PATJ: variants seen among roughly 807,000 people sequenced by gnomAD.
PATJ encodes the protein PATJ crumbs cell polarity complex component, also known as inaD-like protein.
A neutral mutation model predicts 224.9 loss-of-function variants in PATJ; 190 were observed. The ratio of observed to expected loss-of-function variants is 0.84; its 90% CI spans 0.75 to 0.95. The LOEUF is 0.95. Among genes scored for constraint, PATJ ranks in the 40% least tolerant of loss-of-function variants. The probability of loss-of-function intolerance (pLI) is 0.00; values close to 1 mark genes in which losing one functional copy is unlikely to be tolerated. For missense variants in PATJ, 2,121 were observed against 2,270.3 expected, an observed-to-expected ratio of 0.93 and a Z score of 1.34; for synonymous variants, 769 against 820.3, an observed-to-expected ratio of 0.94 and a Z score of 1.07.
intron 22 of PATJ, among the ~76,000 whole-genome samples, chr1:61,888,650 A>G (rs1026395132): frequency 3.9e-5 from 6 of 152,332 alleles, no homozygotes; most frequent in African/African-American, 1.4e-4. Flanking sequence ...CTGCTTCTCT[A>G]AACTGTAGAA....
chr1:62,094,804 T>C (rs1301887588), intron 33 of PATJ, among the ~76,000 whole-genome samples: 1 of 152,198 alleles, frequency 6.6e-6, no homozygotes. Flanking sequence ...AGGGATTTTG[T>C]AAATGAATAT....
chr1:61,818,434 G>A (rs1158881806), intron 14 of PATJ, among the ~76,000 whole-genome samples: 2 of 152,212 alleles, frequency 1.3e-5, no homozygotes, highest in African/African-American at 2.4e-5. Flanking sequence ...TTGCTGCTAA[G>A]AACTCTGCAT....
intron 7 of PATJ, among the ~76,000 whole-genome samples, chr1:61,779,998 G>A (rs1647157618): frequency 6.6e-6 from 1 of 152,110 alleles, no homozygotes; most frequent in African/African-American, 2.4e-5. Context: ...AGAACTCACT[G>A]CACCAAGCCA....
chr1:61,893,938 T>C (rs548450709), intron 22 of PATJ, among the ~76,000 whole-genome samples: 31 of 151,976 alleles, frequency 2.0e-4, no homozygotes, highest in Non-Finnish European at 3.8e-4. Flanking sequence ...TTTTAGGTTT[T>C]GTTTTGAATC....
At chr1:62,038,106 TC>T in intron 30 of PATJ, 57 bp downstream of exon 30, 1 of 1,069,688 alleles carries the variant, frequency 9.3e-7, no homozygotes, top group Non-Finnish European at 1.4e-6. Context: ...ATGAGCATTT[TC>T]CCCCAATCTG....
chr1:62,008,818 G>A (rs1022737126), intron 28 of PATJ, among the ~76,000 whole-genome samples: 1 of 152,064 alleles, frequency 6.6e-6, no homozygotes, highest in African/African-American at 2.4e-5. Flanking sequence ...AGGAAAATCA[G>A]GATATATGAT....
Position 62,079,530 on chromosome 1 carries a change from A to G in PATJ, c.4206A>G (p.Ser1402=), listed in dbSNP as rs372368769. ...AAGAGATACCATTAGCACCAGCTTC[A>G]TCATACCATTCAACAGATGCAGACT... ...SSQEIPLAPA[S]SYHSTDADFT... The change falls in exon 32 of 44, where the codon TCA becomes TCG. Residue 1402 remains serine (S), a synonymous_variant. Transcript: ENST00000642238. The G allele has an allele frequency of 1.2e-6, 2 of 1,612,622 alleles. No homozygotes were observed. The highest frequency in any genetic ancestry group is 1.3e-5 in the African/African-American group (1 of 74,900).
intron 6 of PATJ, among the ~76,000 whole-genome samples, chr1:61,773,944 C>T (rs928906563): frequency 3.2e-4 from 48 of 151,634 alleles, no homozygotes; most frequent in Admixed American, 1.1e-3. Flanking sequence ...CACGGTGAAA[C>T]CCCATCTCTA....
chr1:61,799,020 A>G (rs559709189), intron 11 of PATJ, among the ~76,000 whole-genome samples: 2 of 152,284 alleles, frequency 1.3e-5, no homozygotes, highest in African/African-American at 2.4e-5. Context: ...CTTTGCTTTC[A>G]GCCGATAGTG....
chr1:62,160,893 G>A lies in PATJ; in HGVS notation c.5503-15G>A. 1.9e-6 allele frequency: 3 copies of A among 1,613,162 alleles called. No homozygotes were observed. Among genetic ancestry groups the A allele is most frequent in the Middle Eastern group, 1.7e-4 (1 of 6,056 alleles). ...GTTTTACCCTGGATTAAACTGAAATGTTTCTTGTTTGTAGGGAGCAGCTGC... is the reference window on the plus strand; with the variant it reads ...GTTTTACCCTGGATTAAACTGAAATATTTCTTGTTTGTAGGGAGCAGCTGC... On this transcript the variant is annotated splice_polypyrimidine_tract_variant and intron_variant, in intron 43 of 43. Transcript: ENST00000642238.
At chr1:61,796,942 C>G (rs1029750830) in intron 10 of PATJ, among the ~76,000 whole-genome samples, 1 of 151,958 alleles carries the variant, frequency 6.6e-6, no homozygotes, top group Non-Finnish European at 1.5e-5. Flanking sequence ...TCTTGGCTCA[C>G]TCCAACCACT....
intron 9 of PATJ, among the ~76,000 whole-genome samples, chr1:61,793,953 G>A (rs12138845): frequency 1 from 147,221 of 147,222 alleles, 73,610 homozygotes; most frequent in Middle Eastern, 1. Context: ...CCCAGGCTGG[G>A]GTGCAATGGC....
intron 11 of PATJ, among the ~76,000 whole-genome samples, chr1:61,798,514 A>C (rs994296509): frequency 1.3e-5 from 2 of 152,182 alleles, no homozygotes; most frequent in African/African-American, 2.4e-5. Context: ...TCAGTTTTTA[A>C]TTATCAACTT....
intron 27 of PATJ, among the ~76,000 whole-genome samples, chr1:61,946,638 A>C (rs1316868829): frequency 6.6e-6 from 1 of 152,196 alleles, no homozygotes; most frequent in East Asian, 1.9e-4. Flanking sequence ...TACCAGAGGT[A>C]CAAAAAAGAG....
At chr1:61,972,372 C>T (rs1158557328) in intron 27 of PATJ, among the ~76,000 whole-genome samples, 1 of 151,998 alleles carries the variant, frequency 6.6e-6, no homozygotes, top group East Asian at 1.9e-4. Flanking sequence ...GAATGCTCAA[C>T]TTGTATTAAA....
At chr1:62,027,552 A>G (rs779219991) in intron 29 of PATJ, among the ~76,000 whole-genome samples, 1 of 151,180 alleles carries the variant, frequency 6.6e-6, no homozygotes, top group Non-Finnish European at 1.5e-5. Flanking sequence ...ACTGTTTTCC[A>G]TAGTTGCTGT....
chr1:61,951,546 G>T (rs1318782107), intron 27 of PATJ, among the ~76,000 whole-genome samples: 1 of 151,906 alleles, frequency 6.6e-6, no homozygotes, highest in Non-Finnish European at 1.5e-5. Context: ...TGTGTGGGGG[G>T]TAGGGTAGGG....
intron 17 of PATJ, among the ~76,000 whole-genome samples, chr1:61,843,933 T>G (rs1014337556): frequency 6.6e-6 from 1 of 152,174 alleles, no homozygotes; most frequent in African/African-American, 2.4e-5. Context: ...TATACTCCTA[T>G]ATATAATAAA....
intron 34 of PATJ, 152 bp from the exon 35 acceptor site, chr1:62,113,901 G>A: frequency 4.4e-6 from 3 of 687,416 alleles, no homozygotes; most frequent in Non-Finnish European, 7.4e-6. Flanking sequence ...ATTCAAAGCA[G>A]CTCATACTGC....
Sources: allele counts gnomAD v4.1 joint callset (sites outside exome capture counted in the v4.1 genomes callset), GRCh38; gene constraint gnomAD v4.1.1; transcripts MANE v1.5; gene names NCBI Gene and HGNC (gene_info 2026-07-23, HGNC 2026-07-21).